DLGAP1: variants seen among roughly 807,000 people sequenced by gnomAD.
DLGAP1 encodes DLG associated protein 1.
Under a neutral mutation model 90.8 loss-of-function variants are expected in DLGAP1, and 11 were observed. That is an observed-to-expected ratio of 0.12 (90% CI 0.08 to 0.20). The LOEUF is 0.20. Among genes scored for constraint, DLGAP1 ranks in the 10% least tolerant of loss-of-function variants. The probability of loss-of-function intolerance (pLI) is 1.00; values close to 1 mark genes in which losing one functional copy is unlikely to be tolerated. For missense variants in DLGAP1, 1,050 were observed against 1,333.8 expected (o/e 0.79, Z 3.31); for synonymous variants, 558 against 540.7 (o/e 1.03, Z -0.44).
At chr18:4,088,404 T>G (rs10468747) in intron 2 of DLGAP1, among the ~76,000 whole-genome samples, 5,120 of 151,182 alleles carry the variant, frequency 0.034, 327 homozygotes, top group African/African-American at 0.12. Flanking sequence ...AGGAGTCTTT[T>G]TATTTACCCT....
intron 7 of DLGAP1, among the ~76,000 whole-genome samples, chr18:3,616,781 G>C (rs1276517057): frequency 1.3e-5 from 2 of 150,528 alleles, no homozygotes; most frequent in African/African-American, 4.9e-5. Context: ...CAAACAAACT[G>C]GAAAAAAAAA....
intron 4 of DLGAP1, among the ~76,000 whole-genome samples, chr18:3,864,114 G>C (rs2070246572): frequency 6.6e-6 from 1 of 152,090 alleles, no homozygotes; most frequent in African/African-American, 2.4e-5. Context: ...AAGAAATCTT[G>C]GTTGAATAAA....
chr18:3,886,939 T>C (rs1015155623), intron 3 of DLGAP1, among the ~76,000 whole-genome samples: 21 of 152,266 alleles, frequency 1.4e-4, no homozygotes, highest in African/African-American at 5.1e-4. Flanking sequence ...ATCTTTCCCA[T>C]GAGGTGGAAG....
intron 3 of DLGAP1, among the ~76,000 whole-genome samples, chr18:3,899,210 G>A (rs1338006830): frequency 6.6e-6 from 1 of 152,204 alleles, no homozygotes; most frequent in African/African-American, 2.4e-5. Flanking sequence ...ATTGACAGGT[G>A]TTTGTCTAGC....
chr18:3,963,928 T>C (rs1347866068), intron 3 of DLGAP1, among the ~76,000 whole-genome samples: 1 of 152,252 alleles, frequency 6.6e-6, no homozygotes, highest in African/African-American at 2.4e-5. Context: ...GAAATTTTAA[T>C]ATTTTGGATG....
Position 3,940,673 on chromosome 18 carries a change from T to C in DLGAP1, c.-72-60533A>G, listed in dbSNP as rs529270150. Among the ~76,000 whole-genome samples the C allele has an allele frequency of 4.6e-5, 7 of 152,308 alleles. 1 individual carries two copies. The South Asian group carries it at 1.5e-3, about 32-fold the overall frequency. ...AAACTGGAGCATATAAAATCAAATGTTGGCACTGCAGATAACCGTAGAAGC... is the reference window on the plus strand; with the variant it reads ...AAACTGGAGCATATAAAATCAAATGCTGGCACTGCAGATAACCGTAGAAGC... On this transcript the variant is annotated intron_variant, in intron 3 of 12. Transcript: ENST00000315677.
intron 4 of DLGAP1, among the ~76,000 whole-genome samples, chr18:3,814,586 C>T (rs563948767): frequency 1.2e-3 from 189 of 152,252 alleles, no homozygotes; most frequent in African/African-American, 4.3e-3. Flanking sequence ...TGGTCTTAAT[C>T]TCCTGACCTC....
At chr18:3,561,489 C>T (rs2054114909) in intron 9 of DLGAP1, among the ~76,000 whole-genome samples, 1 of 143,288 alleles carries the variant, frequency 7.0e-6, no homozygotes, top group African/African-American at 2.6e-5. Flanking sequence ...ATTTTAGTTT[C>T]TGACCTATGT....
In DLGAP1 at chr18:3,898,026, C is replaced by G. The variant is rs536793423; in HGVS notation, c.-72-17886G>C. Among the ~76,000 whole-genome samples the G allele has an allele frequency of 2.6e-3, 402 of 152,002 alleles. 3 individuals are homozygous for G. Among genetic ancestry groups the G allele is most frequent in the African/African-American group, 7.1e-3 (297 of 41,548 alleles). ...AGCCAGGATGGTCTCGATCTCCTGA[C>G]CTCGTGATCCGCCCGCCTTGGCCTC... is the stretch of plus-strand genomic sequence containing the variant. On this transcript the variant is annotated intron_variant, in intron 3 of 12. Coordinates refer to ENST00000315677, the MANE Select transcript of DLGAP1 (RefSeq NM_004746.4).
chr18:4,132,897 A>T (rs2076339196), intron 2 of DLGAP1, among the ~76,000 whole-genome samples: 1 of 152,206 alleles, frequency 6.6e-6, no homozygotes, highest in African/African-American at 2.4e-5. Flanking sequence ...AAAGGTAATT[A>T]AATGTACTTG....
rs2058076135 is a variant in DLGAP1, at chr18:3,620,983, C to T, written c.1592-38735G>A. ...CCAGTAGTGTCAGCACCTGGGAACA[C>T]GTGGGTCAAATCCTCAGGCTCCACC... is the stretch of plus-strand genomic sequence containing the variant. On this transcript the variant is annotated intron_variant, in intron 7 of 12. Coordinates refer to ENST00000315677, the MANE Select transcript of DLGAP1 (RefSeq NM_004746.4). 2.0e-5 allele frequency among the ~76,000 whole-genome samples: 3 copies of T among 152,166 alleles called. No individual in the cohort carries two copies. In the South Asian group the frequency reaches 6.2e-4, roughly 31 times the overall value.
intron 11 of DLGAP1, 105 bp downstream of exon 11, chr18:3,508,465 C>A (rs370447104): frequency 4.7e-5 from 31 of 652,666 alleles, no homozygotes; most frequent in Non-Finnish European, 6.9e-5. Context: ...CTCCAATGGA[C>A]CTTGACTTGG....
rs571467042 is a variant in DLGAP1, at chr18:3,732,872, T to C, written c.1351-3497A>G. Among the ~76,000 whole-genome samples the C allele has an allele frequency of 1.1e-3, 163 of 152,302 alleles. 2 individuals carry two copies. The highest frequency in any genetic ancestry group is 3.8e-3 in the African/African-American group (158 of 41,572). On this transcript the variant is annotated intron_variant, in intron 6 of 12. Transcript: ENST00000315677. ...ACACAATCTGGGTACTAGGGAGATA[T>C]ATTGTCATTGCTACTGGGTTAATCA...
intron 1 of DLGAP1, among the ~76,000 whole-genome samples, chr18:4,154,115 T>G (rs913011421): frequency 2.0e-5 from 3 of 151,836 alleles, no homozygotes; most frequent in African/African-American, 7.3e-5. Context: ...CAGGCTGGAG[T>G]GCAGTGGTGC....
chr18:4,393,491 G>T (rs1462518387), intron 1 of DLGAP1, among the ~76,000 whole-genome samples: 1 of 152,176 alleles, frequency 6.6e-6, no homozygotes, highest in Non-Finnish European at 1.5e-5. Flanking sequence ...ATGTCAAATG[G>T]TACTTTCTTC....
intron 7 of DLGAP1, among the ~76,000 whole-genome samples, chr18:3,617,208 A>G (rs985877513): frequency 6.6e-6 from 1 of 152,192 alleles, no homozygotes; most frequent in African/African-American, 2.4e-5. Flanking sequence ...ATAGAAAGAA[A>G]CAGAACATTT....
At chr18:3,684,868 A>G (rs2060642468) in intron 7 of DLGAP1, among the ~76,000 whole-genome samples, 1 of 152,244 alleles carries the variant, frequency 6.6e-6, no homozygotes, top group Admixed American at 6.5e-5. Context: ...GGAAGGCAGC[A>G]TAGTTTAGTA....
chr18:4,371,170 C>G (rs1271044549), intron 1 of DLGAP1, among the ~76,000 whole-genome samples: 1 of 152,170 alleles, frequency 6.6e-6, no homozygotes, highest in Non-Finnish European at 1.5e-5. Context: ...TATAAGTGTA[C>G]ATAAGACTGC....
chr18:3,716,834 T>A (rs1192683441), intron 7 of DLGAP1, among the ~76,000 whole-genome samples: 1 of 152,032 alleles, frequency 6.6e-6, no homozygotes, highest in Non-Finnish European at 1.5e-5. Flanking sequence ...ATAAACTTTT[T>A]TAAAACATTT....
Sources: gnomAD v4.1 joint callset for allele counts (sites outside exome capture counted in the v4.1 genomes callset) on GRCh38, gnomAD v4.1.1 for gene constraint, MANE v1.5 for transcripts, NCBI Gene and HGNC (gene_info 2026-07-23, HGNC 2026-07-21) for gene names.